Variants in PRPF8 observed in about 807,000 individuals in gnomAD.
PRPF8 encodes pre-mRNA processing factor 8.
In PRPF8, 64 loss-of-function variants were observed where a neutral mutation model predicts 285.9. That is an observed-to-expected ratio of 0.22 (90% CI 0.18 to 0.28). The LOEUF is 0.28. Ranked by LOEUF, PRPF8 falls within the 10% of genes least tolerant of loss-of-function variation. The probability of loss-of-function intolerance (pLI) is 1.00; values close to 1 mark genes in which losing one functional copy is unlikely to be tolerated. For synonymous variants in PRPF8, 1,325 were observed against 1,118.2 expected, an observed-to-expected ratio of 1.18 and a Z score of -3.69; for missense variants, 1,426 against 3,026.7, an observed-to-expected ratio of 0.47 and a Z score of 12.41.
intron 37 of PRPF8, 33 bp downstream of exon 37, chr17:1,655,317 C>T (rs1236936183): frequency 8.1e-6 from 13 of 1,611,334 alleles, no homozygotes; most frequent in African/African-American, 1.3e-5. Flanking sequence ...CGTATATAGA[C>T]CTCCTGTCTG....
intron 3 of PRPF8, 107 bp from the exon 4 acceptor site, chr17:1,682,400 C>T (rs986282027): frequency 8.6e-6 from 12 of 1,401,442 alleles, no homozygotes; most frequent in Non-Finnish European, 1.2e-5. Flanking sequence ...ACCTTACAAT[C>T]CAAACTCCCA....
chr17:1,675,120 C>A lies in PRPF8; in HGVS notation c.3060+32G>T, dbSNP rs1345848795. The A allele has an allele frequency of 6.2e-7, 1 of 1,612,030 alleles. No homozygotes were observed. The highest frequency in any genetic ancestry group is 2.2e-5 in the East Asian group (1 of 44,882). ...CAGTGGGCCAGACAAGCACTCCACA[C>A]ACAATTCCATGCTACTGCGCCTGAG... On this transcript the variant is annotated intron_variant, in intron 20 of 42. Transcript: ENST00000304992. The surrounding 1 kb of genome is among the most constrained non-coding windows in gnomAD (Gnocchi z 6.0).
In PRPF8 at chr17:1,651,118, G is replaced by A. The variant is rs1911029304; in HGVS notation, c.6843C>T (p.Tyr2281=). 1.2e-6 allele frequency: 2 copies of A among 1,614,174 alleles called. No homozygotes were observed. The highest frequency in any genetic ancestry group is 1.7e-6 in the Non-Finnish European group (2 of 1,180,036). ...FMVPAQSSWN[Y]NFMGVRHDPN... Reference sequence around the variant, plus strand: ...GCTCCTCCCACTTACCCATGAAGTTGTAGTTCCACGAGGACTGGGCAGGGA... The same window carrying A: ...GCTCCTCCCACTTACCCATGAAGTTATAGTTCCACGAGGACTGGGCAGGGA... The change falls in exon 42 of 43, where the codon TAC becomes TAT. Residue 2281 remains tyrosine (Y), a synonymous_variant. Transcript: ENST00000304992. The surrounding 1 kb of genome is among the most constrained non-coding windows in gnomAD (Gnocchi z 5.1).
chr17:1,672,448 T>A (rs1912379293), intron 24 of PRPF8, among the ~76,000 whole-genome samples: 1 of 152,086 alleles, frequency 6.6e-6, no homozygotes, highest in East Asian at 1.9e-4. Context: ...CCCGGTTAAT[T>A]TTTGTATTTT....
At position 1,676,772 on chromosome 17, in the gene PRPF8, T is replaced by C; in HGVS notation, c.2182-61A>G. ...AGCCAGGCACTGTGGCACACATCTG[T>C]AGTCCCGGCTACTCAGGAGGCTAAG... is the stretch of plus-strand genomic sequence containing the variant. On this transcript the variant is annotated intron_variant, in intron 15 of 42. Coordinates refer to ENST00000304992, the MANE Select transcript of PRPF8 (RefSeq NM_006445.4). This position sits in a 1 kb window ranked among gnomAD's most constrained non-coding sequence, Gnocchi z 6.3. 4 of 1,580,718 alleles carry C rather than the reference T, an allele frequency of 2.5e-6. No individual in the cohort carries two copies. The highest frequency in any genetic ancestry group is 2.2e-5 in the East Asian group (1 of 44,762).
chr17:1,650,772 G>C lies in PRPF8; in HGVS notation c.*30C>G, dbSNP rs773276681. 6.2e-7 allele frequency: 1 copy of C among 1,612,794 alleles called. No individual in the cohort carries two copies. Among genetic ancestry groups the C allele is most frequent in the African/African-American group, 1.3e-5 (1 of 74,884 alleles). On this transcript the variant is annotated 3_prime_UTR_variant, in exon 43 of 43. Transcript: ENST00000304992. ...CTGGAGGGGCTGAGGCTTCGGCCTC[G>C]GGAGGCTGAAGCAGGAGGCAGGGAA...
At chr17:1,677,214 T>C (rs1912648790) in intron 14 of PRPF8, 42 bp from the exon 15 acceptor site, 1 of 1,577,650 alleles carries the variant, frequency 6.3e-7, no homozygotes, top group African/African-American at 1.3e-5. Flanking sequence ...GGAAGATTCC[T>C]TGCTTTCAAT....
intron 2 of PRPF8, 126 bp from the exon 3 acceptor site, chr17:1,683,827 CT>C: frequency 9.4e-7 from 1 of 1,064,456 alleles, no homozygotes; most frequent in Non-Finnish European, 1.4e-6. Flanking sequence ...AGAAGCACCC[CT>C]TGCCAATTCC....
rs907789571 is a variant in PRPF8, at chr17:1,680,652, C to G, written c.1098+74G>C. On this transcript the variant is annotated intron_variant, in intron 8 of 42. Transcript: ENST00000304992. ...GAAAACACATCTCCCTCCACCTGAG[C>G]GTTTAGTAACATCAGCCAACCTCAC... is the stretch of plus-strand genomic sequence containing the variant. 3.0e-6 allele frequency: 4 copies of G among 1,347,454 alleles called. No individual in the cohort carries two copies. In the African/African-American group the frequency reaches 5.8e-5, roughly 20 times the overall value. The allele number at this position is 1,347,454 out of a possible 1,614,324, so 83.5% of individuals were successfully genotyped here. A position where few individuals can be genotyped will look rare whatever the true frequency, so the allele number is the denominator to read the frequency against.
Position 1,676,108 on chromosome 17 carries a change from G to A in PRPF8, c.2553-54C>T. On this transcript the variant is annotated intron_variant, in intron 17 of 42. Transcript: ENST00000304992. This position sits in a 1 kb window ranked among gnomAD's most constrained non-coding sequence, Gnocchi z 6.3. ...GGAAAACTAGGAGGAAGTAAAACCA[G>A]GAAAGACTGGGGCTACACCTTCTTT... 2 of 1,612,148 alleles carry A rather than the reference G, an allele frequency of 1.2e-6. No individual in the cohort carries two copies. The highest frequency in any genetic ancestry group is 1.1e-5 in the South Asian group (1 of 90,996).
chr17:1,675,949 G>A lies in PRPF8; in HGVS notation c.2658C>T (p.Leu886=), dbSNP rs1912583008. 6.2e-7 allele frequency: 1 copy of A among 1,614,186 alleles called. No individual in the cohort carries two copies. Among genetic ancestry groups the A allele is most frequent in the African/African-American group, 1.3e-5 (1 of 75,060 alleles). Residue 886 remains leucine, a synonymous_variant, in exon 18 of 43, where the codon CTC becomes CTT. Coordinates refer to ENST00000304992, the MANE Select transcript of PRPF8 (RefSeq NM_006445.4). This position sits in a 1 kb window ranked among gnomAD's most constrained non-coding sequence, Gnocchi z 6.0. Reference sequence around the variant, plus strand: ...TCACCTCTTTGAAGGCTCTCTGTGTGAGGAGGTGACGCTTGATGCGGGACA... The same window carrying A: ...TCACCTCTTTGAAGGCTCTCTGTGTAAGGAGGTGACGCTTGATGCGGGACA... ...EALSRIKRHL[L]TQRAFKEVGI...
intron 24 of PRPF8, among the ~76,000 whole-genome samples, chr17:1,665,702 C>T (rs550025999): frequency 2.7e-5 from 4 of 150,822 alleles, no homozygotes; most frequent in South Asian, 4.2e-4. Flanking sequence ...AAAAATTAGC[C>T]GGGTGCGGTG....
Position 1,674,566 on chromosome 17 carries a change from T to C in PRPF8, c.3175A>G (p.Ser1059Gly), listed in dbSNP as rs767886495. The part of the protein sequence containing the change: ...DLLVLGLHRA[S>G]EMAGPPQMPN... The stretch of plus-strand genomic sequence containing the variant: ...ATCTGAGGGGGCCCAGCCATCTCAC[T>C]GGCCCGGTGCAATCCCAATACAAGC... Residue 1059 changes from serine (S) to glycine (G), a missense_variant, in exon 21 of 43, where the codon AGT (serine) becomes GGT (glycine). This residue lies in a region of PRPF8 where 148 missense variants were observed against 196.2 expected (regional missense o/e 0.75). Transcript: ENST00000304992. 6.2e-7 allele frequency: 1 copy of C among 1,614,172 alleles called. No homozygotes were observed. Among genetic ancestry groups the C allele is most frequent in the South Asian group, 1.1e-5 (1 of 91,084 alleles).
Position 1,661,244 on chromosome 17 carries a change from CAG to C in PRPF8, c.4338+25_4338+26del. 6.2e-7 allele frequency: 1 copy of C among 1,614,102 alleles called. No individual in the cohort carries two copies. Among genetic ancestry groups the C allele is most frequent in the Non-Finnish European group, 8.5e-7 (1 of 1,180,006 alleles). ...GGGATAGCCATGGATTTTCCTGACT[CAG>C]GGAAAATCTGCTCCCTCTACATACC... On this transcript the variant is annotated intron_variant, in intron 27 of 42. Transcript: ENST00000304992. The surrounding 1 kb of genome is among the most constrained non-coding windows in gnomAD (Gnocchi z 7.3).
intron 24 of PRPF8, among the ~76,000 whole-genome samples, chr17:1,671,850 C>CAAAAAAAAAAAA (rs1225346730): frequency 2.0e-5 from 1 of 49,810 alleles, no homozygotes; most frequent in Non-Finnish European, 4.1e-5. Flanking sequence ...GACTCCATCT[C>CAAAAAAAAAAAA]AAAAAAAAAA....
In PRPF8 at chr17:1,653,573, T is replaced by A. The variant is rs776775854; in HGVS notation, c.6338A>T (p.Lys2113Met). Residue 2113 changes from lysine (K) to methionine (M), a missense_variant, in exon 39 of 43, where the codon AAG (lysine) becomes ATG (methionine). Lys to Met is a moderately conservative substitution (Grantham distance 95). This residue lies in a region of PRPF8 where 160 missense variants were observed against 373.7 expected (regional missense o/e 0.43). Coordinates refer to ENST00000304992, the MANE Select transcript of PRPF8 (RefSeq NM_006445.4). The surrounding 1 kb of genome is among the most constrained non-coding windows in gnomAD (Gnocchi z 4.9). ...TYILPKNVLKKFICISDLRAQ... is the reference protein window; with the variant it reads ...TYILPKNVLKMFICISDLRAQ... ...CCGAAGGTCAGATATGCAGATGAAC[T>A]TCTTAAGCACATTCTTGGGAAGGAT... is the stretch of plus-strand genomic sequence containing the variant. 6 of 1,614,212 alleles carry A rather than the reference T, an allele frequency of 3.7e-6. No homozygotes were observed. In the South Asian group the frequency reaches 6.6e-5, roughly 18 times the overall value.
At position 1,659,710 on chromosome 17, in the gene PRPF8, A is replaced by G. The variant is rs1911582349; in HGVS notation, c.4946+131T>C. 3 of 1,375,358 alleles carry G rather than the reference A, an allele frequency of 2.2e-6. No homozygotes were observed. The highest frequency in any genetic ancestry group is 3.0e-6 in the Non-Finnish European group (3 of 991,194). The allele number at this position is 1,375,358 out of a possible 1,614,324, so 85.2% of individuals were successfully genotyped here. On this transcript the variant is annotated intron_variant, in intron 31 of 42. Transcript: ENST00000304992. The surrounding 1 kb of genome is among the most constrained non-coding windows in gnomAD (Gnocchi z 5.1). ...AGCAGATCTGACTAAGGGTGTTGAC[A>G]GGCTCCAAGCGTAGCACTGGCTCCA...
In PRPF8 at chr17:1,658,304, G is replaced by A. The variant is rs773777784; in HGVS notation, c.5454C>T (p.Phe1818=). The change falls in exon 34 of 43, where the codon TTC becomes TTT. Residue 1818 remains phenylalanine, a synonymous_variant. Transcript: ENST00000304992. The surrounding 1 kb of genome is among the most constrained non-coding windows in gnomAD (Gnocchi z 4.1). The part of the protein sequence containing the change: ...FIFNPRTGQL[F]LKIIHTSVWA... ...ACACGGACGTGTGGATTATCTTGAG[G>A]AACAGCTGCCCTGTGCGTGGGTTGA... 20 of 1,614,218 alleles carry A rather than the reference G, an allele frequency of 1.2e-5. No homozygotes were observed. The highest frequency in any genetic ancestry group is 1.7e-5 in the Non-Finnish European group (20 of 1,180,048).
intron 2 of PRPF8, 100 bp from the exon 3 acceptor site, chr17:1,683,801 G>A: frequency 3.6e-6 from 5 of 1,392,232 alleles, no homozygotes; most frequent in African/African-American, 1.4e-5. Context: ...TGAGGGAGAA[G>A]CAGGCACCAG....
Sources: gnomAD v4.1 joint callset for allele counts (sites outside exome capture counted in the v4.1 genomes callset) on GRCh38, gnomAD v4.1.1 for gene constraint, gnomAD v4.1.1 regional missense constraint, Gnocchi (gnomAD v3.1) non-coding constraint, MANE v1.5 for transcripts, NCBI Gene and HGNC (gene_info 2026-07-23, HGNC 2026-07-21) for gene names.